HEMK2: variants seen among roughly 807,000 people sequenced by gnomAD.
HEMK2 encodes HemK methyltransferase 2, ETF1 glutamine and histone H4 lysine.
the HEMK2 span, among the ~76,000 whole-genome samples, chr21:28,855,418 T>A: frequency 1.4e-4 from 22 of 152,188 alleles, no homozygotes; most frequent in Non-Finnish European, 2.8e-4. Flanking sequence ...AGTGGTAGAC[T>A]TCTATACCCT....
the HEMK2 span, chr21:28,879,890 C>T: frequency 6.3e-7 from 1 of 1,598,688 alleles, no homozygotes; most frequent in Non-Finnish European, 8.5e-7. Context: ...GGAGTCACTA[C>T]ATAGGGGGGA....
At chr21:28,884,886 C>A in the HEMK2 span, among the ~76,000 whole-genome samples, 11 of 152,002 alleles carry the variant, frequency 7.2e-5, no homozygotes, top group African/African-American at 2.4e-4. Flanking sequence ...ATTTTGTTTC[C>A]AAACGTGTTA....
chr21:28,687,276 C>A, the HEMK2 span, among the ~76,000 whole-genome samples: 8 of 152,170 alleles, frequency 5.3e-5, no homozygotes, highest in Admixed American at 5.2e-4. Flanking sequence ...ACATACTGCA[C>A]CTGGGGCTAG....
chr21:28,814,198 C>CA, the HEMK2 span, among the ~76,000 whole-genome samples: 9 of 152,250 alleles, frequency 5.9e-5, 2 homozygotes, highest in African/African-American at 2.2e-4. Context: ...GATCATGCCA[C>CA]TGCACTCTAG....
the HEMK2 span, among the ~76,000 whole-genome samples, chr21:28,620,660 C>CTTTTTTTTTTTTTTTTTTGTTTTTT: frequency 2.0e-5 from 1 of 49,642 alleles, no homozygotes; most frequent in Non-Finnish European, 3.3e-5. Context: ...TCTCTCTTTT[C>CTTTTTTTTTTTTTTTTTTGTTTTTT]TTTTTTTTTT....
At chr21:28,728,619 C>T in the HEMK2 span, among the ~76,000 whole-genome samples, 2 of 152,122 alleles carry the variant, frequency 1.3e-5, no homozygotes, top group African/African-American at 4.8e-5. Flanking sequence ...AAAAATGGAT[C>T]CAATCCAAAT....
the HEMK2 span, among the ~76,000 whole-genome samples, chr21:28,819,544 C>CTTTTTTTTTTTTTTTTTT: frequency 8.9e-6 from 1 of 111,904 alleles, no homozygotes; most frequent in African/African-American, 3.4e-5. Context: ...TTTTCTTTTC[C>CTTTTTTTTTTTTTTTTTT]TTTTTTTTTT....
At chr21:28,680,364 C>T in the HEMK2 span, among the ~76,000 whole-genome samples, 4 of 152,122 alleles carry the variant, frequency 2.6e-5, no homozygotes, top group Non-Finnish European at 5.9e-5. Flanking sequence ...GAAGTGGAAT[C>T]GCTGAATAGA....
At chr21:28,843,180 GC>G in the HEMK2 span, among the ~76,000 whole-genome samples, 1 of 152,080 alleles carries the variant, frequency 6.6e-6, no homozygotes, top group Non-Finnish European at 1.5e-5. Context: ...ATTATGCACA[GC>G]CCTGTATTAG....
the HEMK2 span, among the ~76,000 whole-genome samples, chr21:28,635,434 C>T: frequency 1.3e-5 from 2 of 152,002 alleles, no homozygotes; most frequent in African/African-American, 4.8e-5. Flanking sequence ...TTTAATGGCA[C>T]TTAAATCAAA....
the HEMK2 span, among the ~76,000 whole-genome samples, chr21:28,784,832 T>C: frequency 6.6e-6 from 1 of 152,012 alleles, no homozygotes; most frequent in Non-Finnish European, 1.5e-5. Context: ...GAGCCAGGAG[T>C]GGCAACCCAC....
At chr21:28,630,885 A>T in the HEMK2 span, among the ~76,000 whole-genome samples, 2 of 152,068 alleles carry the variant, frequency 1.3e-5, no homozygotes, top group East Asian at 3.9e-4. Context: ...CATATGTAAC[A>T]AACCTGCACG....
At chr21:28,752,413 A>G in the HEMK2 span, among the ~76,000 whole-genome samples, 1 of 152,200 alleles carries the variant, frequency 6.6e-6, no homozygotes, top group African/African-American at 2.4e-5. Flanking sequence ...GTTTCTAATC[A>G]AGGTATGTGA....
At chr21:28,632,296 C>A in the HEMK2 span, among the ~76,000 whole-genome samples, 7 of 152,210 alleles carry the variant, frequency 4.6e-5, no homozygotes, top group Non-Finnish European at 2.9e-5. Context: ...TTGTAGAAAT[C>A]AGTGTGTCTT....
the HEMK2 span, among the ~76,000 whole-genome samples, chr21:28,606,306 G>T: frequency 6.6e-6 from 1 of 152,148 alleles, no homozygotes; most frequent in Non-Finnish European, 1.5e-5. Context: ...AAATCGTATT[G>T]TTCTCCGGAA....
chr21:28,796,011 C>A, the HEMK2 span, among the ~76,000 whole-genome samples: 1 of 152,158 alleles, frequency 6.6e-6, no homozygotes, highest in Non-Finnish European at 1.5e-5. Context: ...GCCTTGTGCC[C>A]TCTACCTCCT....
At chr21:28,879,077 T>C in the HEMK2 span, among the ~76,000 whole-genome samples, 8 of 127,440 alleles carry the variant, frequency 6.3e-5, no homozygotes, top group Admixed American at 7.7e-4. Context: ...TTGTAGATTG[T>C]TTCTTTTTTT....
the HEMK2 span, among the ~76,000 whole-genome samples, chr21:28,763,136 G>A: frequency 2.0e-5 from 3 of 152,134 alleles, no homozygotes. Context: ...ATGTAGAGTA[G>A]TGCAAAACTC....
chr21:28,712,802 T>C, the HEMK2 span, among the ~76,000 whole-genome samples: 1 of 152,192 alleles, frequency 6.6e-6, no homozygotes, highest in Admixed American at 6.5e-5. Context: ...CATATGAAAT[T>C]GGTTTTTTAA....
Sources: allele counts gnomAD v4.1 joint callset (sites outside exome capture counted in the v4.1 genomes callset), GRCh38; gene constraint gnomAD v4.1.1; transcripts MANE v1.5; gene names NCBI Gene and HGNC (gene_info 2026-07-23, HGNC 2026-07-21).